Variants in ADAM22 observed in about 807,000 individuals in gnomAD.
ADAM22 encodes disintegrin and metalloproteinase domain-containing protein 22.
A neutral mutation model predicts 144.6 loss-of-function variants in ADAM22; 65 were observed. The observed-to-expected ratio is 0.45, with a 90% CI of 0.37 to 0.55. The LOEUF is 0.55. Among genes scored for constraint, ADAM22 ranks in the 20% least tolerant of loss-of-function variants. ADAM22 has a pLI of 0.00. For missense variants in ADAM22, 974 were observed against 1,184.9 expected, an observed-to-expected ratio of 0.82 and a Z score of 2.61; for synonymous variants, 391 against 412.6, an observed-to-expected ratio of 0.95 and a Z score of 0.63.
At chr7:88,182,131 T>C in intron 29 of ADAM22, 107 bp downstream of exon 29, 2 of 1,030,478 alleles carry the variant, frequency 1.9e-6, no homozygotes, top group Admixed American at 2.6e-5. Context: ...GTCTCCGGTC[T>C]TGGTTTTGTC....
At chr7:87,957,002 T>G (rs1446629882) in intron 2 of ADAM22, among the ~76,000 whole-genome samples, 3 of 152,214 alleles carry the variant, frequency 2.0e-5, no homozygotes, top group African/African-American at 4.8e-5. Flanking sequence ...TCATTTTCTT[T>G]AAAACCCTGC....
chr7:88,111,229 A>T (rs1020104086), intron 5 of ADAM22, among the ~76,000 whole-genome samples: 1 of 152,016 alleles, frequency 6.6e-6, no homozygotes, highest in Non-Finnish European at 1.5e-5. Context: ...TCTCATCTTG[A>T]CTTTACTTTC....
intron 3 of ADAM22, among the ~76,000 whole-genome samples, chr7:88,015,842 T>C (rs1796432620): frequency 6.6e-6 from 1 of 152,196 alleles, no homozygotes; most frequent in Non-Finnish European, 1.5e-5. Flanking sequence ...TGTTTTCTCT[T>C]TGAGTTTTTG....
At chr7:88,081,576 G>T (rs1040834641) in intron 4 of ADAM22, among the ~76,000 whole-genome samples, 9 of 150,740 alleles carry the variant, frequency 6.0e-5, no homozygotes, top group Admixed American at 2.6e-4. Context: ...TGACATGATT[G>T]TATATCTAGA....
At chr7:88,180,669 T>G (rs1221044764) in intron 27 of ADAM22, among the ~76,000 whole-genome samples, 1 of 152,178 alleles carries the variant, frequency 6.6e-6, no homozygotes, top group Non-Finnish European at 1.5e-5. Flanking sequence ...TAAAAGAGTT[T>G]AAAATATCCA....
intron 3 of ADAM22, among the ~76,000 whole-genome samples, chr7:88,060,217 T>C (rs1382041114): frequency 6.6e-6 from 1 of 152,194 alleles, no homozygotes; most frequent in African/African-American, 2.4e-5. Flanking sequence ...TTGTGGTTGC[T>C]GAAGGTTGGG....
At chr7:88,154,884 C>G (rs1248225677) in intron 21 of ADAM22, among the ~76,000 whole-genome samples, 1 of 151,896 alleles carries the variant, frequency 6.6e-6, no homozygotes, top group Non-Finnish European at 1.5e-5. Context: ...GTGGTAAAGT[C>G]TGATACTTTT....
At chr7:88,195,404 A>G (rs1478936856) in intron 31 of ADAM22, among the ~76,000 whole-genome samples, 2 of 152,228 alleles carry the variant, frequency 1.3e-5, no homozygotes, top group Non-Finnish European at 2.9e-5. Context: ...AGCTCATGGC[A>G]AAAGCAAGGA....
intron 17 of ADAM22, among the ~76,000 whole-genome samples, chr7:88,147,877 C>G (rs773950031): frequency 2.8e-4 from 43 of 152,244 alleles, no homozygotes; most frequent in Admixed American, 2.6e-4. Context: ...ATTAAATTTT[C>G]TTATTTCCTT....
chr7:88,051,878 A>C (rs1442612678), intron 3 of ADAM22, among the ~76,000 whole-genome samples: 1 of 151,698 alleles, frequency 6.6e-6, no homozygotes, highest in Admixed American at 6.6e-5. Flanking sequence ...TATGAGATGA[A>C]GTTATTTTGT....
intron 3 of ADAM22, among the ~76,000 whole-genome samples, chr7:88,063,295 A>G (rs904994784): frequency 6.6e-6 from 1 of 152,202 alleles, no homozygotes; most frequent in Non-Finnish European, 1.5e-5. Flanking sequence ...AGAGAAAAAC[A>G]CCTAGAAAAA....
chr7:88,000,783 T>C (rs1253315552), intron 3 of ADAM22, among the ~76,000 whole-genome samples: 1 of 152,172 alleles, frequency 6.6e-6, no homozygotes, highest in Non-Finnish European at 1.5e-5. Context: ...CCATTTAGAC[T>C]GAAGCTTAGG....
chr7:88,137,917 G>T (rs1387897120), intron 14 of ADAM22, among the ~76,000 whole-genome samples: 3 of 152,136 alleles, frequency 2.0e-5, no homozygotes, highest in Non-Finnish European at 4.4e-5. Flanking sequence ...ACTTTGAGAG[G>T]CTGAGGCAGG....
intron 3 of ADAM22, among the ~76,000 whole-genome samples, chr7:88,058,771 G>A (rs1014030973): frequency 6.6e-6 from 1 of 152,130 alleles, no homozygotes; most frequent in African/African-American, 2.4e-5. Flanking sequence ...GGCCTGAAAA[G>A]CATAAAGCTT....
intron 2 of ADAM22, among the ~76,000 whole-genome samples, chr7:87,963,742 C>G (rs755172044): frequency 2.0e-5 from 3 of 152,118 alleles, no homozygotes; most frequent in Non-Finnish European, 4.4e-5. Context: ...ATGAATGGCT[C>G]TCCTCTAGCT....
At chr7:88,009,771 C>T (rs1284012881) in intron 3 of ADAM22, among the ~76,000 whole-genome samples, 1 of 152,124 alleles carries the variant, frequency 6.6e-6, no homozygotes, top group Non-Finnish European at 1.5e-5. Context: ...CTACCCTATC[C>T]TTCAGTTGGA....
At chr7:88,142,472 A>G (rs888869779) in intron 14 of ADAM22, among the ~76,000 whole-genome samples, 9 of 152,266 alleles carry the variant, frequency 5.9e-5, no homozygotes, top group Middle Eastern at 3.4e-3. Flanking sequence ...ACTCTCCTTG[A>G]TTTAACTTGA....
chr7:87,953,022 T>A (rs1377265187), intron 2 of ADAM22, among the ~76,000 whole-genome samples: 3 of 152,170 alleles, frequency 2.0e-5, no homozygotes, highest in Non-Finnish European at 2.9e-5. Context: ...ATCTATTTGA[T>A]TCATCTCTTT....
intron 2 of ADAM22, among the ~76,000 whole-genome samples, chr7:87,955,401 G>C (rs1358158934): frequency 6.6e-6 from 1 of 152,200 alleles, no homozygotes; most frequent in Non-Finnish European, 1.5e-5. Flanking sequence ...GAGGTCCACT[G>C]CAGACCCTGT....
Sources: gnomAD v4.1 joint callset for allele counts (sites outside exome capture counted in the v4.1 genomes callset) on GRCh38, gnomAD v4.1.1 for gene constraint, MANE v1.5 for transcripts, NCBI Gene and HGNC (gene_info 2026-07-23, HGNC 2026-07-21) for gene names.